The following RIF1 variants were observed in gnomAD, a reference collection of about 807,000 sequenced individuals.
RIF1 encodes replication timing regulatory factor 1.
In RIF1, 45 loss-of-function variants were observed where a neutral mutation model predicts 247.1. The observed-to-expected ratio is 0.18, with a 90% confidence interval of 0.14 to 0.23. RIF1 has a LOEUF of 0.23. Among genes scored for constraint, RIF1 ranks in the 10% least tolerant of loss-of-function variants. RIF1 has a pLI of 1.00. For synonymous variants in RIF1, 1,087 were observed against 978.8 expected, an observed-to-expected ratio of 1.11 and a Z score of -2.06; for missense variants, 2,967 against 2,862.5, an observed-to-expected ratio of 1.04 and a Z score of -0.83.
intron 9 of RIF1, chr2:151,492,071 C>A (rs369208403): frequency 8.1e-6 from 13 of 1,609,156 alleles, no homozygotes; most frequent in Non-Finnish European, 1.1e-5. Flanking sequence ...TAAAGTTAAT[C>A]CCCTCCCCCA....
chr2:151,495,222 C>T (rs565124435), intron 9 of RIF1: 5 of 152,140 alleles, frequency 3.3e-5, no homozygotes, highest in African/African-American at 1.2e-4. Context: ...TCGGTATCTC[C>T]CCTCAGTGTC....
chr2:151,490,617 A>G, intron 9 of RIF1: 1 of 1,438,302 alleles, frequency 7.0e-7, no homozygotes, highest in Non-Finnish European at 9.5e-7. Context: ...ATCTTTGCCA[A>G]GCATGGTTTT....
the RIF1 span, among the ~76,000 whole-genome samples, chr2:151,530,383 C>T: frequency 1.3e-5 from 2 of 151,968 alleles, no homozygotes; most frequent in Non-Finnish European, 2.9e-5. Flanking sequence ...ATTTCAGGGT[C>T]GAGGGCCTCG....
rs754002773 is a variant in RIF1, at chr2:151,474,987, C to T, written c.7335C>T (p.His2445=). 64 of 1,613,326 alleles carry T rather than the reference C, an allele frequency of 4.0e-5. No individual in the cohort carries two copies. The highest frequency in any genetic ancestry group is 2.9e-4 in the East Asian group (13 of 44,802). ...NYSGSQLFEM[H]EKLSCMANSV... ...CAGGAAGCCAACTATTTGAAATGCA[C>T]GAGAAACTAAGTTGTATGGCAAACT... Residue 2445 remains histidine (H), a synonymous_variant, in exon 36 of 36, where the codon CAC becomes CAT. Coordinates refer to ENST00000444746, the MANE Select transcript of RIF1 (RefSeq NM_018151.5).
At chr2:151,518,834 A>C in the RIF1 span, 11 of 636,340 alleles carry the variant, frequency 1.7e-5, no homozygotes, top group Non-Finnish European at 3.1e-5. Context: ...GGAAGAATAC[A>C]CTCAAATGAG....
At chr2:151,490,655 A>G (rs2055704956) in intron 9 of RIF1, 1 of 1,042,558 alleles carries the variant, frequency 9.6e-7, no homozygotes, top group South Asian at 1.6e-5. Context: ...TCAAACCCTC[A>G]CAGTTATTCT....
chr2:151,448,563 GTAT>G (rs2152423402), intron 20 of RIF1, among the ~76,000 whole-genome samples: 2 of 152,284 alleles, frequency 1.3e-5, no homozygotes, highest in East Asian at 3.9e-4. Context: ...CACTCTTGAA[GTAT>G]TATAGTGTTT....
intron 30 of RIF1, among the ~76,000 whole-genome samples, chr2:151,467,786 G>C (rs948602026): frequency 1.3e-5 from 2 of 151,802 alleles, no homozygotes; most frequent in Non-Finnish European, 2.9e-5. Context: ...GTATTATGCA[G>C]AGACAGTTTA....
At position 151,472,670 on chromosome 2, in the gene RIF1, C is replaced by T. The variant is rs572149229; in HGVS notation, c.7096-1294C>T. On this transcript the variant is annotated intron_variant, in intron 34 of 35. Transcript: ENST00000444746. ...TTGGTTCTGTTTATATACTGGATTA[C>T]GTTTACTGATTGTCATATGTTGAAC... is the stretch of plus-strand genomic sequence containing the variant. 2.6e-5 allele frequency among the ~76,000 whole-genome samples: 4 copies of T among 152,258 alleles called. No homozygotes were observed. The East Asian group carries it at 7.7e-4, about 29-fold the overall frequency.
chr2:151,499,291 T>C, intron 10 of RIF1: 1 of 1,410,558 alleles, frequency 7.1e-7, no homozygotes, highest in South Asian at 1.4e-5. Flanking sequence ...TTTTTATTTT[T>C]AAATACCGAA....
At position 151,465,527 on chromosome 2, in the gene RIF1, AATG is replaced by A. The variant is rs766701750; in HGVS notation, c.6011_6013del (p.Asp2004del). The A allele has an allele frequency of 6.2e-7, 1 of 1,608,604 alleles. No individual in the cohort carries two copies. Among genetic ancestry groups the A allele is most frequent in the Non-Finnish European group, 8.5e-7 (1 of 1,177,540 alleles). On this transcript the variant is annotated inframe_deletion, in exon 30 of 36. Coordinates refer to ENST00000444746, the MANE Select transcript of RIF1 (RefSeq NM_018151.5). ...AGCAGCTGGGGAACTAGATGGAGGA[AATG>A]ATGTATCTGATCTACACTCATCTGA...
rs762660144 is a variant in RIF1 at position 151,414,916 on chromosome 2, T to G, written c.277T>G (p.Ser93Ala). The G allele has an allele frequency of 6.3e-6, 10 of 1,586,096 alleles. No individual in the cohort carries two copies. In the South Asian group the frequency reaches 8.9e-5, roughly 14 times the overall value. The change falls in exon 4 of 36, where the codon TCA (serine) becomes GCA (alanine). Residue 93 changes from serine to alanine, a missense_variant. By Grantham distance (99) the Ser-to-Ala change is moderately conservative (BLOSUM62 1). This residue lies in a region of RIF1 where 269 missense variants were observed against 288.6 expected (regional missense o/e 0.93). Transcript: ENST00000444746. Reference protein sequence around the residue: ...LYNPKITSELSEANALELLSK... With the variant: ...LYNPKITSELAEANALELLSK... ...TAATCCCAAAATTACCTCAGAATTA[T>G]CAGGTAGATAAATTTCTTATGACTT...
chr2:151,417,046 GAA>G, intron 6 of RIF1, 145 bp downstream of exon 6: 1 of 620,356 alleles, frequency 1.6e-6, no homozygotes, highest in South Asian at 2.2e-5. Context: ...AAAAGTAATA[GAA>G]AAAAGATGGA....
At chr2:151,493,913 T>A (rs1217810618) in intron 9 of RIF1, 2 of 1,284,218 alleles carry the variant, frequency 1.6e-6, no homozygotes, top group Admixed American at 5.0e-5. Flanking sequence ...GAGGTAATAA[T>A]CACTATTAAT....
intron 20 of RIF1, among the ~76,000 whole-genome samples, chr2:151,449,891 G>A (rs1420277801): frequency 2.1e-5 from 3 of 144,058 alleles, no homozygotes; most frequent in Non-Finnish European, 4.5e-5. Flanking sequence ...TGTCCAGGCT[G>A]GAGTGCAGTG....
At chr2:151,473,481 T>C (rs2048730975) in intron 34 of RIF1, among the ~76,000 whole-genome samples, 1 of 151,864 alleles carries the variant, frequency 6.6e-6, no homozygotes, top group Non-Finnish European at 1.5e-5. Context: ...GGTTTCACTA[T>C]GTTTGCCAGG....
intron 10 of RIF1, chr2:151,496,410 C>T (rs1220815819): frequency 5.7e-6 from 9 of 1,566,326 alleles, no homozygotes; most frequent in Middle Eastern, 1.7e-4. Context: ...CCATGAGTAA[C>T]ATTTCATTTG....
At chr2:151,436,180 C>A (rs1691160857) in intron 11 of RIF1, among the ~76,000 whole-genome samples, 1 of 151,932 alleles carries the variant, frequency 6.6e-6, no homozygotes, top group South Asian at 2.1e-4. Context: ...GAGCCGAGAT[C>A]TCGCCACTGC....
intron 3 of RIF1, among the ~76,000 whole-genome samples, chr2:151,414,327 C>T (rs1383381496): frequency 1.3e-5 from 2 of 152,022 alleles, no homozygotes; most frequent in African/African-American, 2.4e-5. Context: ...GATTGAAATT[C>T]TCTTATGTAT....
Sources: gnomAD v4.1 joint callset for allele counts (sites outside exome capture counted in the v4.1 genomes callset) on GRCh38, gnomAD v4.1.1 for gene constraint, gnomAD v4.1.1 regional missense constraint, MANE v1.5 for transcripts, NCBI Gene and HGNC (gene_info 2026-07-23, HGNC 2026-07-21) for gene names.